IL1RAPL1: variants seen among roughly 807,000 people sequenced by gnomAD.
The protein encoded by IL1RAPL1 is interleukin 1 receptor accessory protein like 1, also known as interleukin-1 receptor accessory protein-like 1.
IL1RAPL1 carries 3 observed loss-of-function variants against 48.4 expected under a neutral mutation model. The observed-to-expected ratio is 0.06, with a 90% CI of 0.03 to 0.16. The LOEUF is 0.16. IL1RAPL1 is among the 10% of genes least tolerant of loss of function. IL1RAPL1 has a pLI of 1.00. For missense variants in IL1RAPL1, 349 were observed against 530.6 expected (o/e 0.66, Z 3.36); for synonymous variants, 185 against 187.7 (o/e 0.99, Z 0.12).
chrX:29,140,014 T>C (rs1929214982), intron 2 of IL1RAPL1, among the ~76,000 whole-genome samples: 1 of 111,559 alleles, frequency 9.0e-6, no homozygotes, highest in Admixed American at 9.6e-5. Flanking sequence ...ACAAGAAGCA[T>C]GGAGCCAGCA....
At chrX:29,530,705 C>T (rs960805152) in intron 5 of IL1RAPL1, among the ~76,000 whole-genome samples, 1 of 111,917 alleles carries the variant, frequency 8.9e-6, no homozygotes, top group Non-Finnish European at 1.9e-5. Flanking sequence ...TGGTAAGTGT[C>T]TCACAGAATC....
intron 3 of IL1RAPL1, among the ~76,000 whole-genome samples, chrX:29,288,992 C>T (rs1602153743): frequency 8.9e-6 from 1 of 112,023 alleles, no homozygotes; most frequent in Non-Finnish European, 1.9e-5. Flanking sequence ...ATCCTTTGCC[C>T]ACTTTTTAAT....
chrX:28,971,248 T>C (rs760203706), intron 2 of IL1RAPL1, among the ~76,000 whole-genome samples: 32 of 112,126 alleles, frequency 2.9e-4, no homozygotes, highest in African/African-American at 8.4e-4. Flanking sequence ...CCCTACCCCA[T>C]TGAAACTTCT....
intron 2 of IL1RAPL1, among the ~76,000 whole-genome samples, chrX:28,862,344 A>G (rs1302837686): frequency 8.9e-6 from 1 of 112,201 alleles, no homozygotes; most frequent in East Asian, 2.8e-4. Flanking sequence ...CAGAAACTAA[A>G]GTTTTCTATT....
intron 6 of IL1RAPL1, among the ~76,000 whole-genome samples, chrX:29,880,228 T>C (rs944332037): frequency 1.8e-5 from 2 of 111,841 alleles, no homozygotes; most frequent in Non-Finnish European, 3.8e-5. Context: ...ATATTCCATA[T>C]GCTAACGTGT....
chrX:28,887,908 C>T (rs1233948077), intron 2 of IL1RAPL1, among the ~76,000 whole-genome samples: 1 of 110,943 alleles, frequency 9.0e-6, no homozygotes, highest in Non-Finnish European at 1.9e-5. Context: ...ATTTATTAAA[C>T]TAAAGTTTAT....
At chrX:28,640,796 T>G (rs1219267577) in intron 1 of IL1RAPL1, among the ~76,000 whole-genome samples, 2 of 111,082 alleles carry the variant, frequency 1.8e-5, no homozygotes, top group Admixed American at 1.9e-4. Flanking sequence ...AAACCCTAGA[T>G]CCTTCCAATA....
chrX:29,442,220 C>T (rs1450652902), intron 5 of IL1RAPL1, among the ~76,000 whole-genome samples: 1 of 111,515 alleles, frequency 9.0e-6, no homozygotes, highest in Non-Finnish European at 1.9e-5. Context: ...GTACATAGAC[C>T]AATGGAACAG....
chrX:28,937,021 A>G (rs761064232), intron 2 of IL1RAPL1, among the ~76,000 whole-genome samples: 2 of 111,143 alleles, frequency 1.8e-5, no homozygotes, highest in African/African-American at 6.5e-5. Context: ...TAGCATAGTC[A>G]TTTATGCAGG....
intron 6 of IL1RAPL1, among the ~76,000 whole-genome samples, chrX:29,752,109 C>CAT (rs1216932910): frequency 1.1e-5 from 1 of 88,678 alleles, no homozygotes; most frequent in Non-Finnish European, 2.2e-5. Flanking sequence ...TATATACACA[C>CAT]ATATATATAT....
intron 6 of IL1RAPL1, among the ~76,000 whole-genome samples, chrX:29,884,496 C>A (rs910575349): frequency 1.8e-5 from 2 of 110,873 alleles, no homozygotes; most frequent in Non-Finnish European, 3.8e-5. Flanking sequence ...AGTCCTCTTC[C>A]CCCTAGTCTC....
intron 8 of IL1RAPL1, among the ~76,000 whole-genome samples, chrX:29,934,964 C>T (rs1390371343): frequency 9.0e-6 from 1 of 111,578 alleles, no homozygotes; most frequent in Non-Finnish European, 1.9e-5. Context: ...TCTCTTTAGT[C>T]TCCTTTAATC....
intron 5 of IL1RAPL1, among the ~76,000 whole-genome samples, chrX:29,418,272 C>T (rs1212670252): frequency 3.8e-5 from 4 of 104,565 alleles, no homozygotes; most frequent in Non-Finnish European, 7.8e-5. Context: ...ATTACAGGCC[C>T]ACGCCACCAC....
chrX:28,867,753 C>T (rs1338461135), intron 2 of IL1RAPL1, among the ~76,000 whole-genome samples: 1 of 110,873 alleles, frequency 9.0e-6, no homozygotes, highest in African/African-American at 3.3e-5. Flanking sequence ...GGTTTTTTTT[C>T]AGGTGAGTAA....
intron 5 of IL1RAPL1, among the ~76,000 whole-genome samples, chrX:29,625,125 A>G (rs1318355067): frequency 2.7e-5 from 3 of 111,937 alleles, no homozygotes; most frequent in Non-Finnish European, 5.6e-5. Flanking sequence ...CTTTCTTTAC[A>G]ATAAATAAGG....
intron 6 of IL1RAPL1, among the ~76,000 whole-genome samples, chrX:29,823,219 G>A (rs1200483933): frequency 3.6e-5 from 4 of 111,320 alleles, no homozygotes; most frequent in African/African-American, 1.3e-4. Flanking sequence ...CACAATGGGA[G>A]ATAAAAATGG....
At chrX:29,438,194 G>T (rs1934503180) in intron 5 of IL1RAPL1, among the ~76,000 whole-genome samples, 1 of 111,024 alleles carries the variant, frequency 9.0e-6, no homozygotes, top group Non-Finnish European at 1.9e-5. Context: ...CCGTTATTGT[G>T]CTTTTGGTGT....
At position 28,688,072 on chromosome X, in the gene IL1RAPL1, C is replaced by G. The variant is rs1375075527; in HGVS notation, c.-25+100025C>G. Among the ~76,000 whole-genome samples the G allele has an allele frequency of 1.4e-4, 13 of 90,834 alleles. No individual in the cohort carries two copies. The East Asian group carries it at 4.7e-3, about 33-fold the overall frequency. The allele number at this position is 90,834 out of a possible 115,157, so 78.9% of individuals were successfully genotyped here. A position where few individuals can be genotyped will look rare whatever the true frequency, so the allele number is the denominator to read the frequency against. On this transcript the variant is annotated intron_variant, in intron 1 of 10. Transcript: ENST00000378993. ...TGAGCCGAGACTGCGTCACTGCAGTCTAGCCTGGGTGACAGAGAGAGACTC... is the reference window on the plus strand; with the variant it reads ...TGAGCCGAGACTGCGTCACTGCAGTGTAGCCTGGGTGACAGAGAGAGACTC...
chrX:29,226,527 G>A (rs1312922535), intron 2 of IL1RAPL1, among the ~76,000 whole-genome samples: 2 of 104,895 alleles, frequency 1.9e-5, no homozygotes, highest in Non-Finnish European at 3.9e-5. Flanking sequence ...CCGCCTCCTG[G>A]GTTCAAGCAA....
Sources: allele counts gnomAD v4.1 joint callset (sites outside exome capture counted in the v4.1 genomes callset), GRCh38; gene constraint gnomAD v4.1.1; transcripts MANE v1.5; gene names NCBI Gene and HGNC (gene_info 2026-07-23, HGNC 2026-07-21).